Variants in OSBP2 observed in about 807,000 individuals in gnomAD.
OSBP2 encodes the protein oxysterol binding protein 2.
A neutral mutation model predicts 96.0 loss-of-function variants in OSBP2; 66 were observed. That is an observed-to-expected ratio of 0.69 (90% CI 0.56 to 0.84). The LOEUF (loss-of-function observed/expected upper bound fraction) is 0.84. OSBP2 is among the 40% of genes least tolerant of loss of function. OSBP2 has a pLI of 0.00. For synonymous variants in OSBP2, 525 were observed against 520.9 expected (o/e 1.01, Z -0.11); for missense variants, 1,038 against 1,222.7 (o/e 0.85, Z 2.25).
intron 12 of OSBP2, among the ~76,000 whole-genome samples, chr22:30,896,575 C>A (rs922568979): frequency 6.6e-6 from 1 of 150,692 alleles, no homozygotes; most frequent in African/African-American, 2.4e-5. Context: ...TAGGCCCAAG[C>A]ATTATCAATG....
intron 8 of OSBP2, 110 bp from the exon 9 acceptor site, chr22:30,893,012 C>A: frequency 7.0e-7 from 1 of 1,419,610 alleles, no homozygotes; most frequent in Non-Finnish European, 9.7e-7. Flanking sequence ...GCTCCTATGG[C>A]CACAGAGCTG....
At chr22:30,737,497 A>C (rs907214343) in intron 1 of OSBP2, among the ~76,000 whole-genome samples, 1 of 149,684 alleles carries the variant, frequency 6.7e-6, no homozygotes, top group Non-Finnish European at 1.5e-5. Flanking sequence ...TAATTAAAAA[A>C]AATTTTTTTT....
intron 2 of OSBP2, among the ~76,000 whole-genome samples, chr22:30,777,828 G>C (rs1356472960): frequency 1.3e-5 from 2 of 152,112 alleles, no homozygotes; most frequent in Non-Finnish European, 2.9e-5. Flanking sequence ...TCACACACGT[G>C]CTCATCAGTC....
chr22:30,877,768 CTG>C (rs1342900920), intron 3 of OSBP2, among the ~76,000 whole-genome samples: 1 of 152,226 alleles, frequency 6.6e-6, no homozygotes, highest in Admixed American at 6.5e-5. Flanking sequence ...GCAAGACAGA[CTG>C]CACCTGACTC....
Position 30,695,311 on chromosome 22 carries a change from G to A in OSBP2, c.402G>A (p.Ala134=). ...CGCTCTCCCGGGCGGTGGGGAGCGC[G>A]ACCTTTCTCAGACCCGAGTCAGGAT... ...SEPLSRAVGS[A]TFLRPESGSL... The change falls in exon 1 of 14, where the codon GCG becomes GCA. Residue 134 remains alanine (A), a synonymous_variant. Transcript: ENST00000332585. 13 of 1,613,460 alleles carry A rather than the reference G, an allele frequency of 8.1e-6. No homozygotes were observed. The highest frequency in any genetic ancestry group is 1.0e-5 in the Non-Finnish European group (12 of 1,180,032).
At chr22:30,836,249 G>GCAGC (rs2038629973) in intron 2 of OSBP2, among the ~76,000 whole-genome samples, 1 of 152,118 alleles carries the variant, frequency 6.6e-6, no homozygotes, top group Non-Finnish European at 1.5e-5. Flanking sequence ...TGTAGTTCAA[G>GCAGC]TCCCCCTGCT....
chr22:30,701,578 T>C (rs961349440), intron 1 of OSBP2, among the ~76,000 whole-genome samples: 5 of 151,978 alleles, frequency 3.3e-5, no homozygotes, highest in Admixed American at 6.6e-5. Flanking sequence ...CTCCTGACCT[T>C]GTGATCCGCC....
At chr22:30,769,776 T>C (rs2145787581) in intron 2 of OSBP2, among the ~76,000 whole-genome samples, 1 of 152,256 alleles carries the variant, frequency 6.6e-6, no homozygotes, top group East Asian at 1.9e-4. Flanking sequence ...CTCAGGTCCT[T>C]AGTTGACAAC....
At chr22:30,764,425 T>C (rs2090245318) in intron 2 of OSBP2, 1 of 982,154 alleles carries the variant, frequency 1.0e-6, no homozygotes, top group South Asian at 4.7e-5. Context: ...CCTGTTCCTG[T>C]TGGGTGTGAT....
intron 2 of OSBP2, among the ~76,000 whole-genome samples, chr22:30,832,794 A>G (rs2038554485): frequency 6.6e-6 from 1 of 152,152 alleles, no homozygotes; most frequent in Non-Finnish European, 1.5e-5. Flanking sequence ...CACAGAAGGA[A>G]GGGGAGGTGA....
intron 2 of OSBP2, among the ~76,000 whole-genome samples, chr22:30,758,935 C>T (rs1259039237): frequency 2.0e-5 from 3 of 152,294 alleles, no homozygotes; most frequent in South Asian, 2.1e-4. Context: ...CCTGGCTTCA[C>T]GTTCAAGCCG....
intron 1 of OSBP2, among the ~76,000 whole-genome samples, chr22:30,717,147 C>T (rs1433411073): frequency 6.9e-6 from 1 of 145,406 alleles, no homozygotes; most frequent in Non-Finnish European, 1.5e-5. Context: ...GACAGGGTCT[C>T]GCTATGTTGC....
At position 30,803,150 on chromosome 22, in the gene OSBP2, C is replaced by A. The variant is rs371167107; in HGVS notation, c.853+61781C>A. ...CCTCGCAGCCTCGGGGCAGGACCCA[C>A]GTCCACACCCGAGAGCCCCTCCCTG... is the stretch of plus-strand genomic sequence containing the variant. On this transcript the variant is annotated intron_variant, in intron 2 of 13. Transcript: ENST00000332585. 8.5e-4 allele frequency: 147 copies of A among 173,234 alleles called. 2 individuals carry two copies. The East Asian group carries it at 0.022, about 26-fold the overall frequency. The allele number at this position is 173,234 out of a possible 1,614,324, so 10.7% of individuals were successfully genotyped here. A position where few individuals can be genotyped will look rare whatever the true frequency, so the allele number is the denominator to read the frequency against.
At chr22:30,801,464 A>T (rs2090850577) in intron 2 of OSBP2, among the ~76,000 whole-genome samples, 1 of 152,170 alleles carries the variant, frequency 6.6e-6, no homozygotes, top group Non-Finnish European at 1.5e-5. Flanking sequence ...TGCCCTTCAT[A>T]AATGTTTTGG....
Position 30,887,658 on chromosome 22 carries a change from T to C in OSBP2, c.1300+40T>C, listed in dbSNP as rs528382879. ...AGGGCAGGGCTGTCCCATGACCTTC[T>C]GCCAGCTGGCTCTGCATACACAACT... On this transcript the variant is annotated intron_variant, in intron 4 of 13. Transcript: ENST00000332585. 6 of 1,506,256 alleles carry C rather than the reference T, an allele frequency of 4.0e-6. No individual in the cohort carries two copies. The African/African-American group carries it at 8.3e-5, about 21-fold the overall frequency. 93.3% of individuals were successfully genotyped at this position (1,506,256 alleles called of 1,614,324 possible). A position where few individuals can be genotyped will look rare whatever the true frequency, so the allele number is the denominator to read the frequency against.
At chr22:30,783,065 CTTTTTTTT>C (rs567123014) in intron 2 of OSBP2, among the ~76,000 whole-genome samples, 1 of 104,132 alleles carries the variant, frequency 9.6e-6, no homozygotes, top group African/African-American at 3.6e-5. Context: ...GAACCTGTGG[CTTTTTTTT>C]TTTTTTTTTT....
intron 2 of OSBP2, among the ~76,000 whole-genome samples, chr22:30,835,067 G>A (rs148813505): frequency 5.7e-4 from 86 of 151,942 alleles, no homozygotes; most frequent in African/African-American, 2.0e-3. Flanking sequence ...TGCCCACCTC[G>A]GCCTCCCAAA....
intron 2 of OSBP2, among the ~76,000 whole-genome samples, chr22:30,850,630 A>G (rs2147059042): frequency 1.3e-5 from 2 of 151,920 alleles, no homozygotes; most frequent in East Asian, 3.9e-4. Context: ...CTCCCAAGTA[A>G]CTGGGATTAC....
intron 2 of OSBP2, among the ~76,000 whole-genome samples, chr22:30,840,208 A>AT (rs1359141406): frequency 1.4e-5 from 2 of 143,038 alleles, no homozygotes; most frequent in East Asian, 4.4e-4. Context: ...TTCAAGTGTA[A>AT]TAAAAAAAAA....
Sources: gnomAD v4.1 joint callset for allele counts (sites outside exome capture counted in the v4.1 genomes callset) on GRCh38, gnomAD v4.1.1 for gene constraint, MANE v1.5 for transcripts, NCBI Gene and HGNC (gene_info 2026-07-23, HGNC 2026-07-21) for gene names.